TLK2: variants seen among roughly 807,000 people sequenced by gnomAD.
TLK2 encodes serine/threonine-protein kinase tousled-like 2.
In TLK2, 6 loss-of-function variants were observed where a neutral mutation model predicts 117.3. The observed-to-expected ratio is 0.05, with a 90% CI of 0.03 to 0.10. TLK2 has a LOEUF of 0.10. TLK2 is among the 10% of genes least tolerant of loss of function. The pLI is 1.00. For synonymous variants in TLK2, 257 were observed against 316.7 expected (o/e 0.81, Z 2.00); for missense variants, 299 against 901.2 (o/e 0.33, Z 8.56).
At chr17:62,528,027 C>T (rs1198419745) in intron 6 of TLK2, among the ~76,000 whole-genome samples, 1 of 152,192 alleles carries the variant, frequency 6.6e-6, no homozygotes. Context: ...AGGCATGAGT[C>T]ACCGTGCCCA....
At chr17:62,496,043 T>G (rs2073645839) in intron 2 of TLK2, among the ~76,000 whole-genome samples, 1 of 152,144 alleles carries the variant, frequency 6.6e-6, no homozygotes, top group East Asian at 1.9e-4. Flanking sequence ...GAAACATCTC[T>G]TCTACATTTC....
intron 4 of TLK2, 112 bp downstream of exon 4, chr17:62,522,385 T>A (rs1284529705): frequency 1.4e-5 from 17 of 1,181,530 alleles, no homozygotes; most frequent in Non-Finnish European, 2.0e-5. Context: ...ATAAAGGAGG[T>A]TTGTGTATCT....
intron 6 of TLK2, among the ~76,000 whole-genome samples, chr17:62,525,075 C>T (rs1247368371): frequency 6.6e-6 from 1 of 152,156 alleles, no homozygotes; most frequent in Non-Finnish European, 1.5e-5. Flanking sequence ...CCAGTGTCTT[C>T]GCATTATTTG....
intron 6 of TLK2, among the ~76,000 whole-genome samples, chr17:62,534,587 G>A (rs982375400): frequency 2.0e-5 from 3 of 152,008 alleles, no homozygotes; most frequent in African/African-American, 7.2e-5. Flanking sequence ...ATCTTACTGA[G>A]CTCCTTTTAA....
chr17:62,546,344 G>GTTTTTTTTTTTTT (rs61100480), intron 7 of TLK2, among the ~76,000 whole-genome samples: 754 of 23,322 alleles, frequency 0.032, 302 homozygotes, highest in South Asian at 0.24. Context: ...TTTGTTGATT[G>GTTTTTTTTTTTTT]TTTTTTTTTT....
chr17:62,506,846 A>AT (rs1341656556), intron 2 of TLK2, among the ~76,000 whole-genome samples: 4 of 152,214 alleles, frequency 2.6e-5, no homozygotes, highest in Non-Finnish European at 1.5e-5. Context: ...TAGTAGTTGC[A>AT]TATGGCTAGT....
At chr17:62,544,475 G>T (rs538877331) in intron 7 of TLK2, among the ~76,000 whole-genome samples, 1 of 152,218 alleles carries the variant, frequency 6.6e-6, no homozygotes, top group South Asian at 2.1e-4. Flanking sequence ...ATATGCCCTC[G>T]TGATCCAATC....
intron 21 of TLK2, among the ~76,000 whole-genome samples, chr17:62,611,503 A>G (rs956630883): frequency 2.0e-5 from 3 of 152,208 alleles, no homozygotes; most frequent in Admixed American, 1.3e-4. Context: ...TGCTGTACCC[A>G]TGCACAGCCT....
intron 2 of TLK2, among the ~76,000 whole-genome samples, chr17:62,482,007 G>T (rs1407546054): frequency 6.6e-6 from 1 of 151,894 alleles, no homozygotes; most frequent in Non-Finnish European, 1.5e-5. Context: ...GTGCAATGGC[G>T]TGATCTCGGC....
intron 2 of TLK2, among the ~76,000 whole-genome samples, chr17:62,488,616 ATTTCTGAAGTGTT>A (rs2072742101): frequency 6.6e-6 from 1 of 152,078 alleles, no homozygotes; most frequent in Admixed American, 6.6e-5. Context: ...TTTCTCTGAA[ATTTCTGAAGTGTT>A]TTTCTGCCCC....
rs191541135 is a variant in TLK2, at chr17:62,501,445, A to C, written c.82-19328A>C. Among the ~76,000 whole-genome samples the C allele has an allele frequency of 1.9e-3, 289 of 151,854 alleles. 1 individual carries two copies. The highest frequency in any genetic ancestry group is 0.014 in the Middle Eastern group (4 of 290). Reference sequence around the variant, plus strand: ...AAAGAGCTAAAGTAAATGAGATAGAAAACAAGGCCGGGTGAGGTGGCTCAC... The same window carrying C: ...AAAGAGCTAAAGTAAATGAGATAGACAACAAGGCCGGGTGAGGTGGCTCAC... On this transcript the variant is annotated intron_variant, in intron 2 of 21. Coordinates refer to ENST00000346027, the MANE Select transcript of TLK2 (RefSeq NM_006852.6).
intron 6 of TLK2, 30 bp from the exon 7 acceptor site, chr17:62,536,140 T>C (rs763685465): frequency 1.3e-6 from 2 of 1,599,600 alleles, no homozygotes; most frequent in Admixed American, 1.7e-5. Context: ...CTTTCTCATG[T>C]CATTTGTGTG....
In TLK2 at chr17:62,516,225, C is replaced by CT. The variant is rs2075573279; in HGVS notation, c.82-4547dup. ...CAGGCATGAGTCACCGCGCCCGGCT[C>CT]TCCCTGTTTTCTTCTAAGAGTTGAT... On this transcript the variant is annotated intron_variant, in intron 2 of 21. Transcript: ENST00000346027. 12 of 744,012 alleles carry CT rather than the reference C, an allele frequency of 1.6e-5. No homozygotes were observed. The South Asian group carries it at 1.8e-4, about 11-fold the overall frequency. The allele number at this position is 744,012 out of a possible 1,614,324, so 46.1% of individuals were successfully genotyped here.
At chr17:62,504,031 G>A (rs2074451938) in intron 2 of TLK2, among the ~76,000 whole-genome samples, 1 of 152,184 alleles carries the variant, frequency 6.6e-6, no homozygotes, top group South Asian at 2.1e-4. Flanking sequence ...ACCACGCTCG[G>A]CCAGTTATAT....
At chr17:62,560,661 ATT>A (rs550051831) in intron 10 of TLK2, among the ~76,000 whole-genome samples, 15 of 140,272 alleles carry the variant, frequency 1.1e-4, no homozygotes, top group African/African-American at 1.0e-4. Context: ...AACTATTAGA[ATT>A]TTTTTTTTTT....
At chr17:62,516,516 A>G in intron 2 of TLK2, 1 of 1,608,468 alleles carries the variant, frequency 6.2e-7, no homozygotes, top group Middle Eastern at 2.1e-4. Context: ...CCGGGGGCAG[A>G]TGAAGGTAAT....
Position 62,546,341 on chromosome 17 carries a change from A to ATTTTTTTTTTTTTTTTTTT in TLK2, c.532-5959_532-5958insTTTTTTTTTTTTTTTTTTT, listed in dbSNP as rs1385208928. ...AAAGTTCCCTATTTTGAGTTTGTTG[A>ATTTTTTTTTTTTTTTTTTT]TTGTTTTTTTTTTTTTTTTACATAA... On this transcript the variant is annotated intron_variant, in intron 7 of 21. Transcript: ENST00000346027. Among the ~76,000 whole-genome samples, 12 of 8,876 alleles carry ATTTTTTTTTTTTTTTTTTT rather than the reference A, an allele frequency of 1.4e-3. 1 individual carries two copies. The highest frequency in any genetic ancestry group is 8.8e-3 in the South Asian group (1 of 114). The allele number at this position is 8,876 out of a possible 152,430, so 5.8% of individuals were successfully genotyped here.
chr17:62,557,985 G>T (rs1257333039), intron 9 of TLK2, among the ~76,000 whole-genome samples: 1 of 152,148 alleles, frequency 6.6e-6, no homozygotes, highest in Admixed American at 6.5e-5. Flanking sequence ...ACAGAGGGCA[G>T]CTGCCTTGTT....
At chr17:62,537,048 G>C (rs1035490140) in intron 7 of TLK2, among the ~76,000 whole-genome samples, 1 of 152,204 alleles carries the variant, frequency 6.6e-6, no homozygotes, top group African/African-American at 2.4e-5. Flanking sequence ...GTAACAGAAA[G>C]CCCCGTCGCC....
Sources: allele counts gnomAD v4.1 joint callset (sites outside exome capture counted in the v4.1 genomes callset), GRCh38; gene constraint gnomAD v4.1.1; transcripts MANE v1.5; gene names NCBI Gene and HGNC (gene_info 2026-07-23, HGNC 2026-07-21).